Variants in JMY observed in about 807,000 individuals in gnomAD.
The protein encoded by JMY is junction-mediating and -regulatory protein.
A neutral mutation model predicts 103.3 loss-of-function variants in JMY; 46 were observed. The ratio of observed to expected loss-of-function variants is 0.45; its 90% CI spans 0.35 to 0.57. The LOEUF is 0.57. JMY is among the 20% of genes least tolerant of loss of function. The pLI, the probability that JMY is intolerant of heterozygous loss-of-function variation, is 0.00. For missense variants in JMY, 1,238 were observed against 1,255.2 expected (o/e 0.99, Z 0.21); for synonymous variants, 526 against 489.3 (o/e 1.07, Z -0.99).
intron 6 of JMY, among the ~76,000 whole-genome samples, chr5:79,302,902 C>T (rs530740029): frequency 2.4e-4 from 36 of 152,260 alleles, no homozygotes; most frequent in African/African-American, 7.9e-4. Flanking sequence ...ATGGACAAAT[C>T]TTGAACTGTC....
rs959847312 is a variant in JMY at position 79,236,738 on chromosome 5, G to A, written c.88G>A (p.Val30Ile). ...CGACGAGCGCGAGAAACACAAATTCGTCTTTATTGTGGCCTGGAACGAGAT... is the reference window on the plus strand; with the variant it reads ...CGACGAGCGCGAGAAACACAAATTCATCTTTATTGTGGCCTGGAACGAGAT... ...VFDEREKHKF[V>I]FIVAWNEIEG... The change falls in exon 1 of 11, where the codon GTC becomes ATC. Residue 30 changes from valine (V) to isoleucine (I), a missense_variant. Val to Ile is a conservative substitution (Grantham distance 29). Coordinates refer to ENST00000396137, the MANE Select transcript of JMY (RefSeq NM_152405.5). 1.6e-5 allele frequency: 24 copies of A among 1,506,176 alleles called. No homozygotes were observed. The highest frequency in any genetic ancestry group is 2.0e-5 in the Non-Finnish European group (22 of 1,125,286). The allele number at this position is 1,506,176 out of a possible 1,614,324, so 93.3% of individuals were successfully genotyped here. A position where few individuals can be genotyped will look rare whatever the true frequency, so the allele number is the denominator to read the frequency against.
At chr5:79,261,604 A>G (rs1430254526) in intron 1 of JMY, among the ~76,000 whole-genome samples, 1 of 152,176 alleles carries the variant, frequency 6.6e-6, no homozygotes, top group Non-Finnish European at 1.5e-5. Context: ...GGCGTGAATT[A>G]CTATTTTCCC....
Position 79,316,249 on chromosome 5 carries a change from C to T in JMY, c.2909C>T (p.Ala970Val). 6.2e-7 allele frequency: 1 copy of T among 1,613,934 alleles called. No homozygotes were observed. Among genetic ancestry groups the T allele is most frequent in the Non-Finnish European group, 8.5e-7 (1 of 1,179,924 alleles). Residue 970 changes from alanine to valine, a missense_variant, in exon 10 of 11, where the codon GCA (alanine) becomes GTA (valine). Coordinates refer to ENST00000396137, the MANE Select transcript of JMY (RefSeq NM_152405.5). ...GAAGCTCTTAGAAGAATTAAAGAAG[C>T]ATCCCCAGAGTCAGAGGACGAAGAG... Reference protein sequence around the residue: ...IHEALRRIKEASPESEDEEEA... With the variant: ...IHEALRRIKEVSPESEDEEEA...
chr5:79,270,544 A>AT lies in JMY; in HGVS notation c.1033-7366_1033-7365insT, dbSNP rs1745736987. ...AAATATATATTTACATAAATATTTA[A>AT]AATGTATATTTACATAAATATTTAA... On this transcript the variant is annotated intron_variant, in intron 1 of 10. Transcript: ENST00000396137. Among the ~76,000 whole-genome samples the AT allele has an allele frequency of 1.5e-5, 2 of 129,704 alleles. 1 individual carries two copies. The allele number at this position is 129,704 out of a possible 152,430, so 85.1% of individuals were successfully genotyped here.
chr5:79,264,861 A>G (rs965395913), intron 1 of JMY, among the ~76,000 whole-genome samples: 2 of 152,246 alleles, frequency 1.3e-5, no homozygotes, highest in African/African-American at 4.8e-5. Flanking sequence ...CTAACATAGA[A>G]TGACAGTAAA....
intron 1 of JMY, among the ~76,000 whole-genome samples, chr5:79,242,562 T>C (rs929452387): frequency 3.3e-5 from 5 of 152,096 alleles, no homozygotes; most frequent in African/African-American, 1.2e-4. Flanking sequence ...CTTAAAGAGG[T>C]CCTGTGGACT....
Position 79,324,826 on chromosome 5 carries a change from G to A in JMY, c.*3224G>A, listed in dbSNP as rs577822362. 2.0e-5 allele frequency: 3 copies of A among 152,694 alleles called. No individual in the cohort carries two copies. The highest frequency in any genetic ancestry group is 6.5e-5 in the Admixed American group (1 of 15,300). The allele number at this position is 152,694 out of a possible 1,614,324, so 9.5% of individuals were successfully genotyped here. A position where few individuals can be genotyped will look rare whatever the true frequency, so the allele number is the denominator to read the frequency against. ...CTCCTAGACACAGCTGTAATAGTGG[G>A]AATAGAAATGTAGAGCTTTTCTCAT... On this transcript the variant is annotated 3_prime_UTR_variant, in exon 11 of 11. Coordinates refer to ENST00000396137, the MANE Select transcript of JMY (RefSeq NM_152405.5).
At chr5:79,318,374 G>C (rs1176463558) in intron 10 of JMY, among the ~76,000 whole-genome samples, 1 of 152,040 alleles carries the variant, frequency 6.6e-6, no homozygotes, top group Admixed American at 6.6e-5. Flanking sequence ...AGATTTTGAA[G>C]ACATAATATA....
rs950882085 is a variant in JMY, at chr5:79,322,038, T to C, written c.*436T>C. ...TCATCTGAAAAAATAGCTTCTTCCA[T>C]ATCAGCTTATATTAAATACTGTGAC... On this transcript the variant is annotated 3_prime_UTR_variant, in exon 11 of 11. Transcript: ENST00000396137. 2 of 152,218 alleles carry C rather than the reference T, an allele frequency of 1.3e-5. No individual in the cohort carries two copies. The highest frequency in any genetic ancestry group is 4.8e-5 in the African/African-American group (2 of 41,470). 9.4% of individuals were successfully genotyped at this position (152,218 alleles called of 1,614,324 possible).
intron 1 of JMY, among the ~76,000 whole-genome samples, chr5:79,257,768 C>CTTT (rs1366241367): frequency 2.9e-5 from 4 of 139,582 alleles, no homozygotes; most frequent in Non-Finnish European, 6.2e-5. Flanking sequence ...AACAGATTAT[C>CTTT]TTTTTTTTTT....
chr5:79,288,785 C>T (rs188369626), intron 2 of JMY, among the ~76,000 whole-genome samples: 2 of 151,682 alleles, frequency 1.3e-5, no homozygotes, highest in Non-Finnish European at 2.9e-5. Context: ...CCACGCTGGT[C>T]TCCCAACTCC....
At chr5:79,260,232 C>T (rs1443082063) in intron 1 of JMY, among the ~76,000 whole-genome samples, 2 of 152,174 alleles carry the variant, frequency 1.3e-5, no homozygotes, top group East Asian at 1.9e-4. Flanking sequence ...GAGGCTGTGG[C>T]GGAGACTCCA....
chr5:79,279,653 T>A (rs1746050758), intron 2 of JMY, among the ~76,000 whole-genome samples: 1 of 152,164 alleles, frequency 6.6e-6, no homozygotes. Context: ...CGTATCAGGG[T>A]GGAGAGTAGG....
intron 10 of JMY, among the ~76,000 whole-genome samples, chr5:79,320,609 C>T (rs1301057552): frequency 6.6e-6 from 1 of 152,138 alleles, no homozygotes; most frequent in Non-Finnish European, 1.5e-5. Flanking sequence ...CTGTGCTAGG[C>T]CCCTGTAGGA....
intron 1 of JMY, among the ~76,000 whole-genome samples, chr5:79,248,671 T>G (rs1744981739): frequency 6.6e-6 from 1 of 152,174 alleles, no homozygotes; most frequent in East Asian, 1.9e-4. Flanking sequence ...AAAAAAAAGT[T>G]TCTTACTAAC....
chr5:79,262,637 A>T (rs917437653), intron 1 of JMY, among the ~76,000 whole-genome samples: 1 of 152,224 alleles, frequency 6.6e-6, no homozygotes, highest in Non-Finnish European at 1.5e-5. Context: ...TGAAATTAAA[A>T]TTGTTTTTAA....
In JMY at chr5:79,306,453, G is replaced by A. The variant is rs376178625; in HGVS notation, c.1960G>A (p.Val654Ile). 1.2e-5 allele frequency: 20 copies of A among 1,605,254 alleles called. No homozygotes were observed. The highest frequency in any genetic ancestry group is 3.4e-5 in the Admixed American group (2 of 59,398). Residue 654 changes from valine to isoleucine, a missense_variant, in exon 7 of 11, where the codon GTA becomes ATA. Physicochemically the swap from Val to Ile is conservative, Grantham distance 29 (BLOSUM62 3). Coordinates refer to ENST00000396137, the MANE Select transcript of JMY (RefSeq NM_152405.5). Reference protein sequence around the residue: ...IEDEYRTHHTVQLKREKLHDE... With the variant: ...IEDEYRTHHTIQLKREKLHDE... ...AGATGAATATAGAACCCATCACACA[G>A]TACAACTAGTAAGTTTGGATTCGAA...
chr5:79,245,632 T>A (rs1744876790), intron 1 of JMY, among the ~76,000 whole-genome samples: 1 of 152,024 alleles, frequency 6.6e-6, no homozygotes, highest in African/African-American at 2.4e-5. Flanking sequence ...AACTTGGTTT[T>A]TTTCTTTTTT....
chr5:79,273,935 ATTC>A (rs60827414), intron 1 of JMY, among the ~76,000 whole-genome samples: 17 of 151,756 alleles, frequency 1.1e-4, no homozygotes, highest in African/African-American at 3.4e-4. Context: ...GGTTCATGCC[ATTC>A]TTCTGCCTCA....
Sources: allele counts gnomAD v4.1 joint callset (sites outside exome capture counted in the v4.1 genomes callset), GRCh38; gene constraint gnomAD v4.1.1; transcripts MANE v1.5; gene names NCBI Gene and HGNC (gene_info 2026-07-23, HGNC 2026-07-21).